OTOGL: variants seen among roughly 807,000 people sequenced by gnomAD.
The protein encoded by OTOGL is otogelin-like protein.
Under a neutral mutation model 318.5 loss-of-function variants are expected in OTOGL, and 285 were observed. The ratio of observed to expected loss-of-function variants is 0.89; its 90% CI spans 0.81 to 0.99. The LOEUF (loss-of-function observed/expected upper bound fraction) is 0.99, where lower values mean the gene tolerates loss of function less well. OTOGL is among the 50% of genes least tolerant of loss of function. The probability of loss-of-function intolerance (pLI) is 0.00; values close to 1 mark genes in which losing one functional copy is unlikely to be tolerated. For missense variants in OTOGL, 2,899 were observed against 2,845.6 expected (o/e 1.02, Z -0.43); for synonymous variants, 987 against 936.5 (o/e 1.05, Z -0.99).
chr12:80,326,403 G>T (rs1887682131), intron 35 of OTOGL, among the ~76,000 whole-genome samples: 2 of 152,066 alleles, frequency 1.3e-5, no homozygotes, highest in South Asian at 4.2e-4. Context: ...AAGTTGAGTA[G>T]AATACCAATT....
chr12:80,240,059 C>T (rs1248022639), intron 11 of OTOGL, among the ~76,000 whole-genome samples: 2 of 152,054 alleles, frequency 1.3e-5, no homozygotes, highest in Non-Finnish European at 2.9e-5. Context: ...TACAGGATTT[C>T]ATTCTTTTTT....
intron 1 of OTOGL, among the ~76,000 whole-genome samples, chr12:80,101,705 A>C (rs1323814221): frequency 6.6e-6 from 1 of 152,184 alleles, no homozygotes; most frequent in African/African-American, 2.4e-5. Context: ...CTCATTTAAT[A>C]GATGAAGAAA....
intron 27 of OTOGL, among the ~76,000 whole-genome samples, chr12:80,297,522 G>A (rs972378967): frequency 1.2e-4 from 18 of 152,060 alleles, no homozygotes; most frequent in African/African-American, 2.9e-4. Flanking sequence ...CAGTAGAGAC[G>A]GGATTTCACC....
At chr12:80,118,542 G>T (rs1215112183) in intron 1 of OTOGL, among the ~76,000 whole-genome samples, 1 of 152,148 alleles carries the variant, frequency 6.6e-6, no homozygotes, top group Admixed American at 6.6e-5. Flanking sequence ...ACAAAATGTA[G>T]TAAACAAGAG....
intron 7 of OTOGL, among the ~76,000 whole-genome samples, chr12:80,227,489 C>T (rs1325293918): frequency 2.0e-5 from 3 of 152,154 alleles, no homozygotes; most frequent in African/African-American, 7.2e-5. Flanking sequence ...TATTTGTTCA[C>T]ATTAGAGAAT....
chr12:80,116,049 G>A (rs1870139615), intron 1 of OTOGL, among the ~76,000 whole-genome samples: 2 of 152,164 alleles, frequency 1.3e-5, no homozygotes, highest in South Asian at 4.1e-4. Context: ...CCCTTTCCAG[G>A]GGAGTGAATG....
intron 26 of OTOGL, among the ~76,000 whole-genome samples, chr12:80,289,051 C>A (rs1182663704): frequency 6.6e-6 from 1 of 152,102 alleles, no homozygotes; most frequent in Non-Finnish European, 1.5e-5. Flanking sequence ...TACCTTTGAT[C>A]TTTGATGCTG....
At chr12:80,366,510 G>A (rs1238285659) in intron 52 of OTOGL, 64 bp from the exon 53 acceptor site, 10 of 94,016 alleles carry the variant, frequency 1.1e-4, no homozygotes, top group African/African-American at 1.6e-4. Flanking sequence ...ATATATATAG[G>A]TTATATATAT....
rs568105162 is a variant in OTOGL at position 80,134,914 on chromosome 12, A to T, written c.-20+35309A>T. Among the ~76,000 whole-genome samples the T allele has an allele frequency of 2.6e-5, 4 of 152,184 alleles. No individual in the cohort carries two copies. The East Asian group carries it at 5.8e-4, about 22-fold the overall frequency. On this transcript the variant is annotated intron_variant, in intron 1 of 58. Coordinates refer to ENST00000547103, the MANE Select transcript of OTOGL (RefSeq NM_001378609.3). Reference sequence around the variant, plus strand: ...TTTTCCAAGTCCTGAAACCTTATTCATGTGTCTCTGGAATTTACAGGTAGT... The same window carrying T: ...TTTTCCAAGTCCTGAAACCTTATTCTTGTGTCTCTGGAATTTACAGGTAGT...
chr12:80,342,022 G>T lies in OTOGL; in HGVS notation c.5125G>T (p.Gly1709Ter). ...GTIITNMEDI[G>*]LFIESWEIEK... ...AATTATTACAAATATGGAAGACATA[G>T]GATTATTTATTGAGAGCTGGGAAAT... Residue 1709 changes from glycine (G) to a stop codon, truncating the protein, a stop_gained, in exon 44 of 59, where the codon GGA becomes TGA. Transcript: ENST00000547103. LOFTEE classifies it high-confidence loss of function. 1 of 1,608,308 alleles carries T rather than the reference G, an allele frequency of 6.2e-7. No homozygotes were observed. The highest frequency in any genetic ancestry group is 1.3e-5 in the African/African-American group (1 of 74,982).
At chr12:80,343,652 C>A (rs1410959863) in intron 44 of OTOGL, 1 of 151,110 alleles carries the variant, frequency 6.6e-6, no homozygotes. Context: ...GTCGTCCTTT[C>A]AACCAAATGT....
intron 26 of OTOGL, among the ~76,000 whole-genome samples, chr12:80,290,630 A>G (rs1034431095): frequency 6.6e-6 from 1 of 152,192 alleles, no homozygotes; most frequent in African/African-American, 2.4e-5. Flanking sequence ...TTTAAGTAGT[A>G]ACACAAAGAT....
chr12:80,188,537 CAAA>C (rs1188831194), intron 1 of OTOGL, among the ~76,000 whole-genome samples: 11 of 144,792 alleles, frequency 7.6e-5, no homozygotes, highest in African/African-American at 2.6e-4. Flanking sequence ...GACTCTGTCT[CAAA>C]AAAAAAATAA....
At chr12:80,150,485 C>A (rs1313307312) in intron 1 of OTOGL, among the ~76,000 whole-genome samples, 2 of 152,190 alleles carry the variant, frequency 1.3e-5, no homozygotes, top group East Asian at 3.8e-4. Flanking sequence ...TCGCATTTAT[C>A]TTTTATCTAG....
rs79247435 is a variant in OTOGL, at chr12:80,357,263, G to A, written c.6019+349G>A. Among the ~76,000 whole-genome samples the A allele has an allele frequency of 9.8e-3, 1,485 of 152,242 alleles. 15 individuals are homozygous for A. Among genetic ancestry groups the A allele is most frequent in the African/African-American group, 0.026 (1,070 of 41,530 alleles). On this transcript the variant is annotated intron_variant, in intron 49 of 58. Coordinates refer to ENST00000547103, the MANE Select transcript of OTOGL (RefSeq NM_001378609.3). ...GGGCTCTGCTAAGACTTCATAGGACGTCTTTAAAACTTCATGTCCTGTATA... is the reference window on the plus strand; with the variant it reads ...GGGCTCTGCTAAGACTTCATAGGACATCTTTAAAACTTCATGTCCTGTATA...
intron 5 of OTOGL, among the ~76,000 whole-genome samples, chr12:80,218,521 C>T (rs1203273177): frequency 2.0e-5 from 3 of 152,088 alleles, no homozygotes; most frequent in Non-Finnish European, 4.4e-5. Context: ...TTAAATTCTT[C>T]CTGCTTGAGT....
Position 80,219,803 on chromosome 12 carries a change from T to C in OTOGL, c.236-11T>C, listed in dbSNP as rs1372710641. On this transcript the variant is annotated splice_polypyrimidine_tract_variant and intron_variant, in intron 5 of 58. Transcript: ENST00000547103. Reference sequence around the variant, plus strand: ...GCCAGAAGATAACTTTTTTTTTTTTTTCCCCCTCAGGTTCTTGTCCTTATG... The same window carrying C: ...GCCAGAAGATAACTTTTTTTTTTTTCTCCCCCTCAGGTTCTTGTCCTTATG... 23 of 1,523,626 alleles carry C rather than the reference T, an allele frequency of 1.5e-5. No individual in the cohort carries two copies. The highest frequency in any genetic ancestry group is 1.7e-5 in the Non-Finnish European group (19 of 1,118,476). 94.4% of individuals were successfully genotyped at this position (1,523,626 alleles called of 1,614,324 possible).
intron 1 of OTOGL, among the ~76,000 whole-genome samples, chr12:80,168,196 G>T (rs934115934): frequency 2.0e-5 from 3 of 151,936 alleles, no homozygotes; most frequent in African/African-American, 7.3e-5. Flanking sequence ...AGCTCAAAGT[G>T]GTCTGGCTGC....
intron 1 of OTOGL, among the ~76,000 whole-genome samples, chr12:80,144,674 A>C (rs1370134176): frequency 1.3e-5 from 2 of 151,926 alleles, no homozygotes; most frequent in Non-Finnish European, 2.9e-5. Context: ...TCCCACCAAC[A>C]GTGTAAAAGT....
Sources: allele counts gnomAD v4.1 joint callset (sites outside exome capture counted in the v4.1 genomes callset), GRCh38; gene constraint gnomAD v4.1.1; transcripts MANE v1.5; gene names NCBI Gene and HGNC (gene_info 2026-07-23, HGNC 2026-07-21).